The following CADM1 variants were observed in gnomAD, a reference collection of about 807,000 sequenced individuals.
CADM1 encodes cell adhesion molecule 1.
Under a neutral mutation model 53.1 loss-of-function variants are expected in CADM1, and 15 were observed. The ratio of observed to expected loss-of-function variants is 0.28; its 90% CI spans 0.19 to 0.44. The LOEUF is 0.44. CADM1 is among the 20% of genes least tolerant of loss of function. The probability of loss-of-function intolerance (pLI) is 1.00; values close to 1 mark genes in which losing one functional copy is unlikely to be tolerated. For synonymous variants in CADM1, 281 were observed against 243.0 expected (o/e 1.16, Z -1.45); for missense variants, 434 against 611.3 (o/e 0.71, Z 3.06).
chr11:115,361,183 T>G (rs1336170803), intron 1 of CADM1, among the ~76,000 whole-genome samples: 2 of 152,132 alleles, frequency 1.3e-5, no homozygotes, highest in Non-Finnish European at 2.9e-5. Flanking sequence ...CATACAACAT[T>G]GAATCACCGT....
At chr11:115,239,209 A>G (rs1466618481) in intron 2 of CADM1, among the ~76,000 whole-genome samples, 1 of 152,190 alleles carries the variant, frequency 6.6e-6, no homozygotes, top group Admixed American at 6.5e-5. Flanking sequence ...CAAAAGCAAC[A>G]TGAAAAATTA....
At chr11:115,241,819 T>C (rs765689505) in intron 1 of CADM1, among the ~76,000 whole-genome samples, 4 of 152,094 alleles carry the variant, frequency 2.6e-5, no homozygotes, top group Non-Finnish European at 5.9e-5. Context: ...CGGGGCAGAT[T>C]ATTTGCTCCT....
intron 1 of CADM1, among the ~76,000 whole-genome samples, chr11:115,450,081 CTA>C (rs922642531): frequency 6.6e-6 from 1 of 152,100 alleles, no homozygotes; most frequent in Non-Finnish European, 1.5e-5. Context: ...TCACCCCTCC[CTA>C]TGTCTTTCCA....
At chr11:115,252,942 G>T (rs1274713445) in intron 1 of CADM1, among the ~76,000 whole-genome samples, 2 of 152,154 alleles carry the variant, frequency 1.3e-5, no homozygotes, top group Non-Finnish European at 2.9e-5. Flanking sequence ...GGACATCCAT[G>T]AGTTACTGAA....
chr11:115,259,686 A>C (rs1176845492), intron 1 of CADM1, among the ~76,000 whole-genome samples: 1 of 151,960 alleles, frequency 6.6e-6, no homozygotes, highest in East Asian at 1.9e-4. Context: ...CTCTGTTAGG[A>C]GTCTACTTCC....
At chr11:115,384,053 A>G (rs1440770871) in intron 1 of CADM1, among the ~76,000 whole-genome samples, 1 of 152,182 alleles carries the variant, frequency 6.6e-6, no homozygotes, top group African/African-American at 2.4e-5. Flanking sequence ...GAGCACTGCC[A>G]TCAATATGGC....
chr11:115,202,712 T>C (rs1375356479), intron 8 of CADM1, among the ~76,000 whole-genome samples: 3 of 152,142 alleles, frequency 2.0e-5, no homozygotes, highest in Non-Finnish European at 4.4e-5. Context: ...AGCCAATGGG[T>C]TTTCTTAATT....
chr11:115,217,074 C>T (rs547107387), intron 6 of CADM1, among the ~76,000 whole-genome samples: 10 of 152,212 alleles, frequency 6.6e-5, no homozygotes, highest in African/African-American at 2.4e-4. Flanking sequence ...TTCATGAATC[C>T]TCAACTTGTT....
rs536294970 is a variant in CADM1 at position 115,184,606 on chromosome 11, A to G, written c.1166-5831T>C. 3.9e-5 allele frequency among the ~76,000 whole-genome samples: 6 copies of G among 152,336 alleles called. No homozygotes were observed. In the East Asian group the frequency reaches 1.2e-3, roughly 29 times the overall value. ...CTGTCTTCTTAGAAAGTGGACGAGA[A>G]GGAATAAACGTAAAGCAAGAAAATC... On this transcript the variant is annotated intron_variant, in intron 10 of 11. Transcript: ENST00000331581.
chr11:115,415,360 A>G (rs1947567459), intron 1 of CADM1, among the ~76,000 whole-genome samples: 1 of 152,140 alleles, frequency 6.6e-6, no homozygotes, highest in African/African-American at 2.4e-5. Context: ...TTCATATATT[A>G]TATACTGATT....
At chr11:115,198,511 A>G (rs1940270811) in intron 8 of CADM1, 73 bp from the exon 9 acceptor site, 8 of 1,133,288 alleles carry the variant, frequency 7.1e-6, no homozygotes, top group Middle Eastern at 1.9e-4. Context: ...GGGAAAATGG[A>G]AAAAAAATGG....
rs143285199 is a variant in CADM1 at position 115,353,501 on chromosome 11, T to C, written c.125-113081A>G. Among the ~76,000 whole-genome samples, 3 of 152,358 alleles carry C rather than the reference T, an allele frequency of 2.0e-5. No individual in the cohort carries two copies. In the East Asian group the frequency reaches 5.8e-4, roughly 29 times the overall value. ...CATTTTGTTAAAGCTTTCTTTTGGT[T>C]CAGTTAATGGAATGCAAGACTGTTA... is the stretch of plus-strand genomic sequence containing the variant. On this transcript the variant is annotated intron_variant, in intron 1 of 11. Coordinates refer to ENST00000331581, the MANE Select transcript of CADM1 (RefSeq NM_001301043.2).
chr11:115,387,283 T>A (rs1208334804), intron 1 of CADM1, among the ~76,000 whole-genome samples: 2 of 152,220 alleles, frequency 1.3e-5, no homozygotes, highest in Non-Finnish European at 2.9e-5. Flanking sequence ...TGTCTCAGTA[T>A]ACCTTTATAC....
chr11:115,323,754 A>T (rs542021995), intron 1 of CADM1, among the ~76,000 whole-genome samples: 1 of 152,170 alleles, frequency 6.6e-6, no homozygotes, highest in Non-Finnish European at 1.5e-5. Flanking sequence ...AGGACAGTGG[A>T]TGATTATAGT....
intron 5 of CADM1, among the ~76,000 whole-genome samples, chr11:115,226,692 G>C (rs1342437836): frequency 6.6e-6 from 1 of 152,172 alleles, no homozygotes; most frequent in Non-Finnish European, 1.5e-5. Context: ...CACTGGAGTT[G>C]AGCCATCAAC....
chr11:115,326,174 A>C (rs1295935550), intron 1 of CADM1, among the ~76,000 whole-genome samples: 1 of 152,206 alleles, frequency 6.6e-6, no homozygotes, highest in East Asian at 1.9e-4. Context: ...CTGTATAATA[A>C]AGAATATAAA....
At chr11:115,305,567 T>C (rs1434312589) in intron 1 of CADM1, among the ~76,000 whole-genome samples, 4 of 151,930 alleles carry the variant, frequency 2.6e-5, no homozygotes, top group Admixed American at 6.6e-5. Context: ...AAGGGATAAA[T>C]AGAGCATTGG....
chr11:115,413,644 C>CTGTTTTTTTTTTTTTTTTTTT (rs1947513659), intron 1 of CADM1, among the ~76,000 whole-genome samples: 2 of 120,910 alleles, frequency 1.7e-5, no homozygotes, highest in Non-Finnish European at 3.6e-5. Flanking sequence ...CAGCTCAGTT[C>CTGTTTTTTTTTTTTTTTTTTT]TTTTTTTTTT....
At chr11:115,273,179 T>C (rs1228666857) in intron 1 of CADM1, among the ~76,000 whole-genome samples, 1 of 152,230 alleles carries the variant, frequency 6.6e-6, no homozygotes, top group Non-Finnish European at 1.5e-5. Context: ...TTTGATCTAT[T>C]AAGTGACCTA....
Sources: gnomAD v4.1 joint callset for allele counts (sites outside exome capture counted in the v4.1 genomes callset) on GRCh38, gnomAD v4.1.1 for gene constraint, MANE v1.5 for transcripts, NCBI Gene and HGNC (gene_info 2026-07-23, HGNC 2026-07-21) for gene names.